The following SOX5 variants were observed in gnomAD, a reference collection of about 807,000 sequenced individuals.
SOX5 encodes transcription factor SOX-5.
SOX5 carries 9 observed loss-of-function variants against 92.0 expected under a neutral mutation model. That is an observed-to-expected ratio of 0.10 (90% CI 0.06 to 0.17). The LOEUF (loss-of-function observed/expected upper bound fraction) is 0.17. SOX5 is among the 10% of genes least tolerant of loss of function. The pLI, the probability that SOX5 is intolerant of heterozygous loss-of-function variation, is 1.00. For missense variants in SOX5, 642 were observed against 944.5 expected (o/e 0.68, Z 4.20); for synonymous variants, 344 against 336.3 (o/e 1.02, Z -0.25).
intron 4 of SOX5, among the ~76,000 whole-genome samples, chr12:23,996,544 A>G (rs1592168251): frequency 6.6e-6 from 1 of 152,206 alleles, no homozygotes; most frequent in Non-Finnish European, 1.5e-5. Context: ...TAGACAAAAG[A>G]TGAAAATAAC....
At chr12:23,935,939 G>A (rs1335442500) in intron 1 of SOX5, among the ~76,000 whole-genome samples, 2 of 150,990 alleles carry the variant, frequency 1.3e-5, no homozygotes, top group Non-Finnish European at 3.0e-5. Context: ...TTGAATGTCC[G>A]AGTTTGTACC....
chr12:23,951,325 C>G (rs1011862648), upstream of SOX5, among the ~76,000 whole-genome samples: 3 of 151,992 alleles, frequency 2.0e-5, no homozygotes, highest in South Asian at 2.1e-4. Flanking sequence ...ATTCCTCCCC[C>G]CCAACCCCCT....
intron 2 of SOX5, among the ~76,000 whole-genome samples, chr12:23,870,688 T>C (rs1255827803): frequency 6.6e-6 from 1 of 152,190 alleles, no homozygotes; most frequent in Non-Finnish European, 1.5e-5. Context: ...TTTAGCTTTG[T>C]AGACCAGGTA....
chr12:23,700,656 G>A (rs1304636549), intron 6 of SOX5, among the ~76,000 whole-genome samples: 1 of 151,888 alleles, frequency 6.6e-6, no homozygotes, highest in Non-Finnish European at 1.5e-5. Flanking sequence ...TGGCAGAGAG[G>A]GTAGGAATAA....
At chr12:24,544,189 A>G (rs1425476434) in intron 1 of SOX5, among the ~76,000 whole-genome samples, 2 of 152,186 alleles carry the variant, frequency 1.3e-5, no homozygotes, top group Non-Finnish European at 2.9e-5. Flanking sequence ...TTTAATAAGG[A>G]AGCTATCTTA....
intron 4 of SOX5, among the ~76,000 whole-genome samples, chr12:24,171,236 T>TTG (rs1954104548): frequency 7.7e-6 from 1 of 130,216 alleles, no homozygotes; most frequent in South Asian, 2.6e-4. Context: ...TTTGTTTTTT[T>TTG]TTTTGGAGAC....
intron 3 of SOX5, among the ~76,000 whole-genome samples, chr12:24,251,728 C>T (rs938296563): frequency 1.2e-4 from 18 of 151,924 alleles, no homozygotes; most frequent in South Asian, 2.1e-4. Context: ...CCTGCCACCA[C>T]GCCCAGCTAA....
chr12:23,774,849 C>A (rs983480289), intron 3 of SOX5, among the ~76,000 whole-genome samples: 4 of 152,142 alleles, frequency 2.6e-5, no homozygotes, highest in Non-Finnish European at 5.9e-5. Context: ...ACAATTTACA[C>A]AGATATTTAA....
At chr12:23,535,566 T>C (rs1248795308) in intron 14 of SOX5, among the ~76,000 whole-genome samples, 2 of 152,224 alleles carry the variant, frequency 1.3e-5, no homozygotes, top group Non-Finnish European at 2.9e-5. Flanking sequence ...ATGCTTGTTT[T>C]TATTCATTCG....
chr12:24,198,798 A>C (rs548558598), intron 4 of SOX5, among the ~76,000 whole-genome samples: 3 of 152,236 alleles, frequency 2.0e-5, no homozygotes, highest in Non-Finnish European at 4.4e-5. Flanking sequence ...TGCTAGTATG[A>C]GGTCACTACA....
At position 24,172,200 on chromosome 12, in the gene SOX5, G is replaced by A. The variant is rs144792462; in HGVS notation, c.-2+41143C>T. On this transcript the variant is annotated intron_variant, in intron 4 of 4. Transcript: ENST00000446891. Reference sequence around the variant, plus strand: ...TTAAATAAACCCTGGAGAGTCCCAGGACTTCAAGCAGGGGAGTCATAGAGT... The same window carrying A: ...TTAAATAAACCCTGGAGAGTCCCAGAACTTCAAGCAGGGGAGTCATAGAGT... Among the ~76,000 whole-genome samples the A allele has an allele frequency of 4.7e-4, 71 of 152,128 alleles. No individual in the cohort carries two copies. The East Asian group carries it at 0.014, about 29-fold the overall frequency.
intron 4 of SOX5, among the ~76,000 whole-genome samples, chr12:24,140,894 A>T (rs1950526501): frequency 6.6e-6 from 1 of 152,178 alleles, no homozygotes; most frequent in South Asian, 2.1e-4. Context: ...TTTACAGAAA[A>T]ATTGAACTAA....
At chr12:23,854,702 T>C (rs1265076869) in intron 2 of SOX5, among the ~76,000 whole-genome samples, 1 of 152,130 alleles carries the variant, frequency 6.6e-6, no homozygotes, top group African/African-American at 2.4e-5. Flanking sequence ...ACAGAGAATT[T>C]GAAGCCAAAT....
At chr12:24,505,842 T>TGTGTGTGTGTGTGTGC (rs1566334013) in intron 1 of SOX5, among the ~76,000 whole-genome samples, 1 of 144,102 alleles carries the variant, frequency 6.9e-6, no homozygotes, top group Non-Finnish European at 1.5e-5. Flanking sequence ...TGTGTGTGTG[T>TGTGTGTGTGTGTGTGC]GTGTGTGTGT....
At chr12:23,709,239 T>C (rs1207307073) in intron 6 of SOX5, among the ~76,000 whole-genome samples, 1 of 152,048 alleles carries the variant, frequency 6.6e-6, no homozygotes, top group African/African-American at 2.4e-5. Context: ...GTAGTTGGGA[T>C]TATGGGTGAG....
chr12:23,938,657 T>C (rs1378992836), intron 1 of SOX5, among the ~76,000 whole-genome samples: 1 of 150,978 alleles, frequency 6.6e-6, no homozygotes, highest in African/African-American at 2.4e-5. Context: ...AATATACTGA[T>C]ACTTGCAAAA....
intron 1 of SOX5, among the ~76,000 whole-genome samples, chr12:23,907,236 G>A (rs1199314543): frequency 2.0e-5 from 3 of 152,116 alleles, no homozygotes; most frequent in African/African-American, 7.2e-5. Flanking sequence ...AGAGGAATTA[G>A]AGGAAGAGGA....
chr12:24,182,065 G>T (rs1955553581), intron 4 of SOX5, among the ~76,000 whole-genome samples: 1 of 152,072 alleles, frequency 6.6e-6, no homozygotes, highest in Non-Finnish European at 1.5e-5. Flanking sequence ...AACACAATAG[G>T]TTTCTCAAGT....
intron 4 of SOX5, among the ~76,000 whole-genome samples, chr12:24,203,269 T>G (rs1387241845): frequency 6.6e-6 from 1 of 152,218 alleles, no homozygotes; most frequent in Admixed American, 6.5e-5. Flanking sequence ...GTTTTCATCA[T>G]TGTTTACTCC....
Sources: allele counts gnomAD v4.1 joint callset (sites outside exome capture counted in the v4.1 genomes callset), GRCh38; gene constraint gnomAD v4.1.1; transcripts MANE v1.5; gene names NCBI Gene and HGNC (gene_info 2026-07-23, HGNC 2026-07-21).